CYRIA: variants seen among roughly 807,000 people sequenced by gnomAD.
The protein encoded by CYRIA is CYFIP related Rac1 interactor A.
Under a neutral mutation model 43.9 loss-of-function variants are expected in CYRIA, and 15 were observed. The observed-to-expected ratio is 0.34, with a 90% CI of 0.23 to 0.53. The LOEUF is 0.53. CYRIA is among the 20% of genes least tolerant of loss of function. The pLI is 0.94. For synonymous variants in CYRIA, 117 were observed against 136.0 expected, an observed-to-expected ratio of 0.86 and a Z score of 0.97; for missense variants, 236 against 394.2, an observed-to-expected ratio of 0.60 and a Z score of 3.40.
intron 1 of CYRIA, among the ~76,000 whole-genome samples, chr2:16,633,937 G>A (rs556066005): frequency 6.6e-6 from 1 of 152,172 alleles, no homozygotes; most frequent in South Asian, 2.1e-4. Context: ...ATATAATGAG[G>A]TGATATCAAA....
At chr2:16,609,920 G>T (rs1472907155) in intron 2 of CYRIA, among the ~76,000 whole-genome samples, 1 of 152,144 alleles carries the variant, frequency 6.6e-6, no homozygotes, top group Admixed American at 6.5e-5. Context: ...TCTGAGTGTG[G>T]TCTGCCCAGA....
chr2:16,557,634 C>A (rs942879660), intron 10 of CYRIA, among the ~76,000 whole-genome samples: 3 of 152,120 alleles, frequency 2.0e-5, no homozygotes, highest in Admixed American at 6.5e-5. Flanking sequence ...TATGAACAAA[C>A]CTTACGTAGT....
At chr2:16,646,376 G>T (rs1013559732) in intron 1 of CYRIA, among the ~76,000 whole-genome samples, 6 of 152,170 alleles carry the variant, frequency 3.9e-5, no homozygotes, top group African/African-American at 9.7e-5. Flanking sequence ...TTATCTTAAA[G>T]AATGCTGCCT....
intron 3 of CYRIA, among the ~76,000 whole-genome samples, chr2:16,567,111 A>T (rs534286650): frequency 6.6e-6 from 1 of 152,090 alleles, no homozygotes; most frequent in South Asian, 2.1e-4. Context: ...CTCTGGGGAT[A>T]AAAAAAAGAC....
chr2:16,556,582 T>C (rs1003447458), intron 10 of CYRIA, among the ~76,000 whole-genome samples: 1 of 152,112 alleles, frequency 6.6e-6, no homozygotes, highest in Non-Finnish European at 1.5e-5. Context: ...AAGGATGCAG[T>C]TGGGGCCAGA....
intron 1 of CYRIA, among the ~76,000 whole-genome samples, chr2:16,662,003 A>G (rs558823859): frequency 5.2e-5 from 8 of 152,386 alleles, no homozygotes; most frequent in African/African-American, 1.4e-4. Context: ...TTCATTTTAA[A>G]GTATTCTCAC....
At chr2:16,600,576 A>G (rs554699677) in intron 2 of CYRIA, among the ~76,000 whole-genome samples, 1 of 152,366 alleles carries the variant, frequency 6.6e-6, no homozygotes, top group South Asian at 2.1e-4. Flanking sequence ...TAATCTATCT[A>G]GAAGCACGTA....
At chr2:16,599,898 A>G (rs552750219) in intron 2 of CYRIA, among the ~76,000 whole-genome samples, 1 of 152,274 alleles carries the variant, frequency 6.6e-6, no homozygotes, top group South Asian at 2.1e-4. Flanking sequence ...CTGGGATTAC[A>G]GGCACCCGCC....
chr2:16,638,028 G>C (rs1207148659), intron 1 of CYRIA, among the ~76,000 whole-genome samples: 1 of 152,170 alleles, frequency 6.6e-6, no homozygotes, highest in African/African-American at 2.4e-5. Context: ...GGTAACGGGG[G>C]GTGATGGGTG....
At chr2:16,635,727 G>A (rs987883499) in intron 1 of CYRIA, among the ~76,000 whole-genome samples, 11 of 152,162 alleles carry the variant, frequency 7.2e-5, no homozygotes, top group Non-Finnish European at 1.3e-4. Context: ...ATCCAGAGCC[G>A]CGATGGTCAG....
intron 1 of CYRIA, among the ~76,000 whole-genome samples, chr2:16,640,425 G>C (rs1031091752): frequency 6.6e-6 from 1 of 152,228 alleles, no homozygotes; most frequent in Non-Finnish European, 1.5e-5. Context: ...GCCCTGGCTG[G>C]GGACTGGGAG....
intron 1 of CYRIA, among the ~76,000 whole-genome samples, chr2:16,649,717 G>A (rs1339079708): frequency 6.6e-6 from 1 of 151,882 alleles, no homozygotes; most frequent in Admixed American, 6.6e-5. Flanking sequence ...CAGTTGTACA[G>A]TACAGGGGAT....
intron 3 of CYRIA, among the ~76,000 whole-genome samples, chr2:16,575,878 A>AAAAT (rs71297007): frequency 0.058 from 8,564 of 147,940 alleles, 641 homozygotes; most frequent in African/African-American, 0.16. Context: ...ATAAATAAAT[A>AAAAT]AAATAAATAA....
intron 1 of CYRIA, among the ~76,000 whole-genome samples, chr2:16,657,039 C>G (rs1019307828): frequency 6.6e-6 from 1 of 152,234 alleles, no homozygotes; most frequent in Admixed American, 6.5e-5. Flanking sequence ...TACAGCCAGA[C>G]AGACAGCTCA....
intron 2 of CYRIA, among the ~76,000 whole-genome samples, chr2:16,592,263 A>G (rs942317477): frequency 6.6e-6 from 1 of 152,166 alleles, no homozygotes; most frequent in Non-Finnish European, 1.5e-5. Flanking sequence ...TCTGACCCCA[A>G]GCATTTTGGA....
intron 10 of CYRIA, among the ~76,000 whole-genome samples, chr2:16,557,660 G>A (rs77872749): frequency 0.011 from 1,668 of 152,128 alleles, 34 homozygotes; most frequent in African/African-American, 0.039. Context: ...TGACCTCCAC[G>A]GACAAAAGCA....
At chr2:16,643,407 A>G (rs1227303104) in intron 1 of CYRIA, among the ~76,000 whole-genome samples, 1 of 152,182 alleles carries the variant, frequency 6.6e-6, no homozygotes, top group Non-Finnish European at 1.5e-5. Context: ...ACAGTGTTGC[A>G]CAAGCCTGCC....
At chr2:16,575,729 G>A (rs188944250) in intron 3 of CYRIA, among the ~76,000 whole-genome samples, 1,725 of 151,954 alleles carry the variant, frequency 0.011, 27 homozygotes, top group African/African-American at 0.034. Flanking sequence ...GATGGCGGGC[G>A]CCTGTAGTCC....
chr2:16,584,124 T>C (rs1667644578), intron 3 of CYRIA, among the ~76,000 whole-genome samples: 1 of 152,174 alleles, frequency 6.6e-6, no homozygotes, highest in African/African-American at 2.4e-5. Context: ...ATCCAGCCTC[T>C]ATATTCAAAG....
Sources: gnomAD v4.1 joint callset for allele counts (sites outside exome capture counted in the v4.1 genomes callset) on GRCh38, gnomAD v4.1.1 for gene constraint, MANE v1.5 for transcripts, NCBI Gene and HGNC (gene_info 2026-07-23, HGNC 2026-07-21) for gene names.